The following CABYR variants were observed in gnomAD, a reference collection of about 807,000 sequenced individuals.
CABYR encodes the protein calcium-binding tyrosine phosphorylation-regulated protein.
Under a neutral mutation model 36.1 loss-of-function variants are expected in CABYR, and 31 were observed. That is an observed-to-expected ratio of 0.86 (90% CI 0.64 to 1.16). The LOEUF (loss-of-function observed/expected upper bound fraction) is 1.16, where lower values mean the gene tolerates loss of function less well. CABYR is among the 50% of genes most tolerant of loss of function. The probability of loss-of-function intolerance (pLI) is 0.00; values close to 1 mark genes in which losing one functional copy is unlikely to be tolerated. For synonymous variants in CABYR, 146 were observed against 160.7 expected (o/e 0.91, Z 0.69); for missense variants, 429 against 455.8 (o/e 0.94, Z 0.53).
At chr18:24,161,388 T>G (rs1036810737) in intron 5 of CABYR, 128 bp from the exon 6 acceptor site, 1 of 617,288 alleles carries the variant, frequency 1.6e-6, no homozygotes, top group Admixed American at 2.8e-5. Context: ...CAAAAGCCCA[T>G]AGGTAACTAG....
intron 3 of CABYR, among the ~76,000 whole-genome samples, chr18:24,147,727 G>C (rs1387537567): frequency 1.3e-5 from 2 of 151,854 alleles, no homozygotes; most frequent in Non-Finnish European, 2.9e-5. Flanking sequence ...GAGAAAATGG[G>C]TATTATGGAT....
At chr18:24,157,590 C>T (rs755238279) in intron 4 of CABYR, among the ~76,000 whole-genome samples, 7 of 152,010 alleles carry the variant, frequency 4.6e-5, no homozygotes, top group Admixed American at 2.0e-4. Flanking sequence ...TCAGGGGAGC[C>T]GGGAGGTATC....
chr18:24,156,825 C>T lies in CABYR; in HGVS notation c.541+783C>T, dbSNP rs1158698094. On this transcript the variant is annotated intron_variant, in intron 4 of 5. Transcript: ENST00000399496. ...GGAGGAGTCTGGGGAAAACTCTGTACCCCAGGAGATGGAAGGCAAACCTGT... is the reference window on the plus strand; with the variant it reads ...GGAGGAGTCTGGGGAAAACTCTGTATCCCAGGAGATGGAAGGCAAACCTGT... The T allele has an allele frequency of 3.1e-6, 5 of 1,613,876 alleles. No individual in the cohort carries two copies. The African/African-American group carries it at 4.0e-5, about 13-fold the overall frequency.
intron 3 of CABYR, among the ~76,000 whole-genome samples, chr18:24,145,996 T>C (rs1190644472): frequency 2.6e-5 from 4 of 152,182 alleles, no homozygotes; most frequent in East Asian, 1.9e-4. Context: ...TAGAAGAAAA[T>C]TAACAATCAG....
chr18:24,142,976 T>C (rs932706462), intron 1 of CABYR, 115 bp from the exon 2 acceptor site: 59 of 628,868 alleles, frequency 9.4e-5, no homozygotes, highest in Non-Finnish European at 1.3e-4. Context: ...GAGGTTGCAG[T>C]GAGCTGAGAT....
At position 24,155,904 on chromosome 18, in the gene CABYR, G is replaced by A. The variant is rs1445745353; in HGVS notation, c.403G>A (p.Glu135Lys). The A allele has an allele frequency of 3.1e-6, 5 of 1,614,020 alleles. No individual in the cohort carries two copies. The highest frequency in any genetic ancestry group is 4.2e-6 in the Non-Finnish European group (5 of 1,180,038). ...TGCTGTGCCAGGCACTGAGCAAACGGAAGCAGTTGGTGGTCTTTCTTCCAA... is the reference window on the plus strand; with the variant it reads ...TGCTGTGCCAGGCACTGAGCAAACGAAAGCAGTTGGTGGTCTTTCTTCCAA... ...VYAVPGTEQT[E>K]AVGGLSSKPA... The change falls in exon 4 of 6, where the codon GAA becomes AAA. Residue 135 changes from glutamate to lysine, a missense_variant. By Grantham distance (56) the Glu-to-Lys change is moderately conservative. Coordinates refer to ENST00000399496, the MANE Select transcript of CABYR (RefSeq NM_153769.3).
chr18:24,141,083 T>C (rs902452157), intron 1 of CABYR, among the ~76,000 whole-genome samples: 12 of 152,230 alleles, frequency 7.9e-5, no homozygotes, highest in Admixed American at 3.9e-4. Context: ...GGATCACTTC[T>C]GGTTTTTTAA....
intron 3 of CABYR, 66 bp from the exon 4 acceptor site, chr18:24,155,634 TA>T: frequency 1.6e-6 from 2 of 1,247,560 alleles, no homozygotes; most frequent in Non-Finnish European, 2.2e-6. Flanking sequence ...TTGCCTTCTT[TA>T]AAAATCTTTT....
intron 3 of CABYR, among the ~76,000 whole-genome samples, chr18:24,150,176 T>G (rs1465980406): frequency 6.6e-6 from 1 of 152,234 alleles, no homozygotes; most frequent in African/African-American, 2.4e-5. Context: ...GCCAAAGAGA[T>G]GCCAAACTGC....
At position 24,156,902 on chromosome 18, in the gene CABYR, A is replaced by T. The variant is rs184016984; in HGVS notation, c.541+860A>T. ...TGCACTCAGGTACATCTGTAAAGTC[A>T]TCTAGTGGCCCCTTCCCTCCTGCTC... On this transcript the variant is annotated intron_variant, in intron 4 of 5. Transcript: ENST00000399496. 7 of 1,614,138 alleles carry T rather than the reference A, an allele frequency of 4.3e-6. No homozygotes were observed. The Admixed American group carries it at 1.2e-4, about 27-fold the overall frequency.
intron 4 of CABYR, chr18:24,156,888 A>G (rs749370124): frequency 1.1e-5 from 18 of 1,614,136 alleles, no homozygotes; most frequent in Non-Finnish European, 1.5e-5. Flanking sequence ...GCACTCAGGT[A>G]CATCTGTAAA....
rs959896400 is a variant in CABYR, at chr18:24,160,052, A to G, written c.1122A>G (p.Lys374=). 6.2e-6 allele frequency: 10 copies of G among 1,611,904 alleles called. No individual in the cohort carries two copies. The highest frequency in any genetic ancestry group is 8.5e-6 in the Non-Finnish European group (10 of 1,179,078). ...TGACTACTGCTCACAAACGTCGCAAAGCAGAAACTGAAAACTGGTAGGTAC... is the reference window on the plus strand; with the variant it reads ...TGACTACTGCTCACAAACGTCGCAAGGCAGAAACTGAAAACTGGTAGGTAC... The part of the protein sequence containing the change: ...VTVTTAHKRR[K]AETEN Residue 374 remains lysine (K), a synonymous_variant, in exon 5 of 6, where the codon AAA becomes AAG. Transcript: ENST00000399496.
Position 24,155,650 on chromosome 18 carries a change from T to C in CABYR, c.200-51T>C, listed in dbSNP as rs768925798. On this transcript the variant is annotated intron_variant, in intron 3 of 5. Transcript: ENST00000399496. The stretch of plus-strand genomic sequence containing the variant: ...TGCCTTCTTTAAAAATCTTTTCTTC[T>C]CTAAAAATCTTTTTAGATGTTAATT... 6.0e-6 allele frequency: 8 copies of C among 1,336,558 alleles called. No individual in the cohort carries two copies. In the South Asian group the frequency reaches 1.0e-4, roughly 17 times the overall value. The allele number at this position is 1,336,558 out of a possible 1,614,324, so 82.8% of individuals were successfully genotyped here. A position where few individuals can be genotyped will look rare whatever the true frequency, so the allele number is the denominator to read the frequency against.
chr18:24,145,716 G>A (rs1187324055), intron 3 of CABYR, among the ~76,000 whole-genome samples: 2 of 152,168 alleles, frequency 1.3e-5, no homozygotes, highest in African/African-American at 2.4e-5. Context: ...TTAGTGTTGG[G>A]AGAGGCTTTG....
chr18:24,159,960 A>C lies in CABYR; in HGVS notation c.1030A>C (p.Lys344Gln). The C allele has an allele frequency of 1.2e-6, 2 of 1,614,166 alleles. No individual in the cohort carries two copies. Among genetic ancestry groups the C allele is most frequent in the East Asian group, 4.5e-5 (2 of 44,890 alleles). The part of the protein sequence containing the change: ...VAFPVEDVAK[K>Q]SSGSGDKCAP... ...TTTCCCAGTAGAAGATGTAGCTAAA[A>C]AAAGTTCAGGATCTGGTGACAAATG... Residue 344 changes from lysine (K) to glutamine (Q), a missense_variant, in exon 5 of 6, where the codon AAA becomes CAA. Physicochemically the swap from Lys to Gln is moderately conservative, Grantham distance 53 (BLOSUM62 1). Transcript: ENST00000399496.
chr18:24,141,967 A>G (rs2085332261), intron 1 of CABYR, among the ~76,000 whole-genome samples: 1 of 152,236 alleles, frequency 6.6e-6, no homozygotes, highest in South Asian at 2.1e-4. Context: ...AAACAAAGTT[A>G]TTCCTGCAGG....
intron 4 of CABYR, chr18:24,156,300 GAAC>G: frequency 6.2e-7 from 1 of 1,614,174 alleles, no homozygotes; most frequent in Non-Finnish European, 8.5e-7. Context: ...CTTGCAGGAT[GAAC>G]AAGAACCTCC....
intron 3 of CABYR, 112 bp from the exon 4 acceptor site, chr18:24,155,589 T>C (rs766125680): frequency 6.7e-5 from 54 of 811,104 alleles, no homozygotes; most frequent in Non-Finnish European, 9.7e-5. Flanking sequence ...TCCAAAGTCC[T>C]GGGATTACAG....
At chr18:24,150,785 T>TTTTTTG (rs1568460955) in intron 3 of CABYR, among the ~76,000 whole-genome samples, 2 of 30,056 alleles carry the variant, frequency 6.7e-5, no homozygotes, top group Non-Finnish European at 6.4e-5. Flanking sequence ...TGTTTTTTGT[T>TTTTTTG]TTTTTTTTTT....
Sources: gnomAD v4.1 joint callset for allele counts (sites outside exome capture counted in the v4.1 genomes callset) on GRCh38, gnomAD v4.1.1 for gene constraint, MANE v1.5 for transcripts, NCBI Gene and HGNC (gene_info 2026-07-23, HGNC 2026-07-21) for gene names.